The following CCL14 variants were observed in gnomAD, a reference collection of about 807,000 sequenced individuals.
CCL14 encodes the protein C-C motif chemokine 14.
A neutral mutation model predicts 8.2 loss-of-function variants in CCL14; 8 were observed. That is an observed-to-expected ratio of 0.98 (90% confidence interval 0.57 to 1.76). CCL14 has a LOEUF of 1.76. CCL14 is among the 40% of genes most tolerant of loss of function. The pLI is 0.00. For synonymous variants in CCL14, 50 were observed against 43.2 expected, an observed-to-expected ratio of 1.16 and a Z score of -0.62; for missense variants, 127 against 118.3, an observed-to-expected ratio of 1.07 and a Z score of -0.34.
intron 1 of CCL14, chr17:35,986,189 T>G: frequency 2.9e-6 from 1 of 346,490 alleles, no homozygotes; most frequent in Non-Finnish European, 5.2e-6. Context: ...GGGGCAATGA[T>G]AAGAGATCAA....
Position 35,983,815 on chromosome 17 carries a change from T to A in CCL14, c.268A>T (p.Met90Leu), listed in dbSNP as rs756649752. The part of the protein sequence containing the change: ...DKWVQDYIKD[M>L]KEN ...TTCTGGGTCACTCAGTTCTCCTTCA[T>A]GTCCTTGATATAGTCCTGGACCCAC... The change falls in exon 3 of 3, where the codon ATG becomes TTG. Residue 90 changes from methionine (M) to leucine (L), a missense_variant. Transcript: ENST00000618404. The A allele has an allele frequency of 1.5e-5, 24 of 1,613,386 alleles. No individual in the cohort carries two copies. Among genetic ancestry groups the A allele is most frequent in the Non-Finnish European group, 1.9e-5 (22 of 1,179,332 alleles).
intron 1 of CCL14, 32 bp downstream of exon 1, chr17:35,986,539 A>C: frequency 6.4e-7 from 1 of 1,557,742 alleles, no homozygotes; most frequent in South Asian, 1.1e-5. Flanking sequence ...TGCAGGCTCT[A>C]GGTTGGAAGG....
intron 2 of CCL14, 84 bp from the exon 3 acceptor site, chr17:35,983,972 C>G: frequency 3.1e-6 from 3 of 952,886 alleles, no homozygotes; most frequent in Non-Finnish European, 5.2e-6. Context: ...CTCCTAAATT[C>G]CCCACCTGAC....
intron 1 of CCL14, chr17:35,986,334 A>G (rs2089768564): frequency 3.8e-6 from 2 of 519,642 alleles, no homozygotes; most frequent in Admixed American, 6.5e-5. Context: ...TTAAACTCTT[A>G]AGCAGAACCT....
intron 1 of CCL14, 73 bp downstream of exon 1, chr17:35,986,496 CCT>C: frequency 8.3e-7 from 1 of 1,210,334 alleles, no homozygotes; most frequent in Non-Finnish European, 1.2e-6. Flanking sequence ...CTGGTCTTCC[CCT>C]GAGCCCCAAC....
intron 1 of CCL14, chr17:35,985,609 G>A: frequency 1.4e-6 from 1 of 705,032 alleles, no homozygotes; most frequent in Non-Finnish European, 2.5e-6. Context: ...CTCCATTCCA[G>A]GCAGCATCCT....
rs1389396792 is a variant in CCL14, at chr17:35,985,603, A to G, written c.79+968T>C. ...GGGTCTCATCCTGTTTTCCAGCTCC[A>G]TTCCAGGCAGCATCCTCACGATCCA... On this transcript the variant is annotated intron_variant, in intron 1 of 2. Coordinates refer to ENST00000618404, the MANE Select transcript of CCL14 (RefSeq NM_032963.4). 2.7e-5 allele frequency: 19 copies of G among 691,354 alleles called. No homozygotes were observed. The Middle Eastern group carries it at 9.3e-4, about 34-fold the overall frequency. The allele number at this position is 691,354 out of a possible 1,614,324, so 42.8% of individuals were successfully genotyped here.
intron 1 of CCL14, chr17:35,986,175 C>T (rs2089764845): frequency 2.8e-6 from 1 of 357,656 alleles, no homozygotes; most frequent in Admixed American, 4.5e-5. Context: ...GGGACTGGTC[C>T]TGGGGGGCAA....
intron 2 of CCL14, among the ~76,000 whole-genome samples, 171 bp downstream of exon 2, chr17:35,984,167 C>G (rs1275771849): frequency 6.6e-6 from 1 of 151,964 alleles, no homozygotes; most frequent in Non-Finnish European, 1.5e-5. Flanking sequence ...CCCCATGGCT[C>G]CTGCAGGCTC....
At position 35,984,560 on chromosome 17, in the gene CCL14, C is replaced by A. The variant is rs918607281; in HGVS notation, c.80-108G>T. On this transcript the variant is annotated intron_variant, in intron 1 of 2. Coordinates refer to ENST00000618404, the MANE Select transcript of CCL14 (RefSeq NM_032963.4). The stretch of plus-strand genomic sequence containing the variant: ...GAGGAGGGAAGGAAGGAGGAGACAG[C>A]CCCTCAGAACTTGGAGGGGAGAGTA... 7 of 718,336 alleles carry A rather than the reference C, an allele frequency of 9.7e-6. No individual in the cohort carries two copies. The African/African-American group carries it at 1.2e-4, about 12-fold the overall frequency. 44.5% of individuals were successfully genotyped at this position (718,336 alleles called of 1,614,324 possible).
Position 35,986,373 on chromosome 17 carries a change from TCACCA to T in CCL14, c.79+193_79+197del, listed in dbSNP as rs2089769524. The stretch of plus-strand genomic sequence containing the variant: ...GTCCTAAGTCTCATCTCCATCCTGC[TCACCA>T]CACCATGGGGTGAAGTGCTGTGGTG... On this transcript the variant is annotated intron_variant, in intron 1 of 2. Coordinates refer to ENST00000618404, the MANE Select transcript of CCL14 (RefSeq NM_032963.4). 16 of 591,058 alleles carry T rather than the reference TCACCA, an allele frequency of 2.7e-5. No individual in the cohort carries two copies. The East Asian group carries it at 4.4e-4, about 16-fold the overall frequency. 36.6% of individuals were successfully genotyped at this position (591,058 alleles called of 1,614,324 possible). A position where few individuals can be genotyped will look rare whatever the true frequency, so the allele number is the denominator to read the frequency against.
At chr17:35,985,033 T>C (rs763689652) in intron 1 of CCL14, 9 of 159,536 alleles carry the variant, frequency 5.6e-5, no homozygotes, top group Non-Finnish European at 9.6e-5. Flanking sequence ...AATCCTAACC[T>C]AACCTTGCCT....
chr17:35,985,015 G>A (rs1568457215), intron 1 of CCL14: 1 of 163,266 alleles, frequency 6.1e-6, no homozygotes, highest in Non-Finnish European at 1.3e-5. Context: ...ACAGAGTCAG[G>A]GCACCCAAAT....
chr17:35,985,429 C>T (rs928351277), intron 1 of CCL14: 1 of 341,488 alleles, frequency 2.9e-6, no homozygotes, highest in Non-Finnish European at 5.2e-6. Flanking sequence ...CATTGTAGGC[C>T]AAGAGCCCTG....
rs1304097576 is a variant in CCL14, at chr17:35,984,322, T to C, written c.194+16A>G. On this transcript the variant is annotated intron_variant, in intron 2 of 2. Transcript: ENST00000618404. Reference sequence around the variant, plus strand: ...GGCTCCCTCTCCCCCCAGTGTGATGTGTGTGTACCACCTACACAATTCCGG... The same window carrying C: ...GGCTCCCTCTCCCCCCAGTGTGATGCGTGTGTACCACCTACACAATTCCGG... 6.5e-7 allele frequency: 1 copy of C among 1,530,572 alleles called. No individual in the cohort carries two copies. The highest frequency in any genetic ancestry group is 2.2e-5 in the East Asian group (1 of 44,556). 94.8% of individuals were successfully genotyped at this position (1,530,572 alleles called of 1,614,324 possible).
rs776724447 is a variant in CCL14, at chr17:35,986,582, T to C, written c.68A>G (p.Glu23Gly). 1.2e-6 allele frequency: 2 copies of C among 1,613,432 alleles called. No individual in the cohort carries two copies. Among genetic ancestry groups the C allele is most frequent in the South Asian group, 2.2e-5 (2 of 91,060 alleles). The change falls in exon 1 of 3, where the codon GAA becomes GGA. Residue 23 changes from glutamate (E) to glycine (G), a missense_variant. By Grantham distance (98) the Glu-to-Gly change is moderately conservative. Transcript: ENST00000618404. ...GGCATTGCACTCACGTGAGGAGGAT[T>C]CAGTCTTGGTCCCTAGGGCGATGGT... is the stretch of plus-strand genomic sequence containing the variant. ...LITIALGTKT[E>G]SSSRGPYHPS...
At chr17:35,984,487 C>G in intron 1 of CCL14, 35 bp from the exon 2 acceptor site, 3 of 1,459,734 alleles carry the variant, frequency 2.1e-6, no homozygotes, top group Non-Finnish European at 2.9e-6. Flanking sequence ...AGGAGGGGCC[C>G]CTTGTTAAAG....
chr17:35,984,441 G>A lies in CCL14; in HGVS notation c.91C>T (p.His31Tyr). 6.2e-7 allele frequency: 1 copy of A among 1,611,564 alleles called. No individual in the cohort carries two copies. Among genetic ancestry groups the A allele is most frequent in the Non-Finnish European group, 8.5e-7 (1 of 1,178,538 alleles). ...TAGGTGAAGCAGCACTCTGAGGGGT[G>A]GTAAGGTCCCCCTGAGGAGAGAGCA... ...KTESSSRGPY[H>Y]PSECCFTYTT... The change falls in exon 2 of 3, where the codon CAC becomes TAC. Residue 31 changes from histidine (H) to tyrosine (Y), a missense_variant. By Grantham distance (83) the His-to-Tyr change is moderately conservative. Coordinates refer to ENST00000618404, the MANE Select transcript of CCL14 (RefSeq NM_032963.4).
At chr17:35,984,791 C>T in intron 1 of CCL14, 1 of 487,604 alleles carries the variant, frequency 2.1e-6, no homozygotes, top group African/African-American at 1.9e-5. Flanking sequence ...AGGCTAGGGA[C>T]TTGGCCAATA....
Sources: allele counts gnomAD v4.1 joint callset (sites outside exome capture counted in the v4.1 genomes callset), GRCh38; gene constraint gnomAD v4.1.1; transcripts MANE v1.5; gene names NCBI Gene and HGNC (gene_info 2026-07-23, HGNC 2026-07-21).